The following STRIP1 variants were observed in gnomAD, a reference collection of about 807,000 sequenced individuals.
The protein encoded by STRIP1 is striatin interacting protein 1.
Under a neutral mutation model 106.2 loss-of-function variants are expected in STRIP1, and 63 were observed. That is an observed-to-expected ratio of 0.59 (90% CI 0.48 to 0.73). The LOEUF (loss-of-function observed/expected upper bound fraction) is 0.73, where lower values mean the gene tolerates loss of function less well. Among genes scored for constraint, STRIP1 ranks in the 30% least tolerant of loss-of-function variants. The pLI is 0.00. For synonymous variants in STRIP1, 390 were observed against 413.0 expected (o/e 0.94, Z 0.67); for missense variants, 857 against 1,074.8 (o/e 0.80, Z 2.83).
At chr1:110,042,655 G>C (rs1048697196) in intron 8 of STRIP1, among the ~76,000 whole-genome samples, 9 of 152,216 alleles carry the variant, frequency 5.9e-5, no homozygotes, top group Non-Finnish European at 1.2e-4. Flanking sequence ...TCTGCTTCTT[G>C]GGAGATGTTT....
Position 110,038,699 on chromosome 1 carries a change from G to A in STRIP1, c.267G>A (p.Thr89=), listed in dbSNP as rs183730102. 1.6e-3 allele frequency: 2,612 copies of A among 1,614,100 alleles called. 80 individuals carry two copies. The Admixed American group carries it at 0.042, about 26-fold the overall frequency. ...AAELSELYSY[T]EGPEFLMNRK... The stretch of plus-strand genomic sequence containing the variant: ...TTCTGACAGAGCTTTACAGCTACAC[G>A]GAAGGGCCAGAATTCCTGATGAATC... The change falls in exon 3 of 21, where the codon ACG becomes ACA. Residue 89 remains threonine (T), a synonymous_variant. Transcript: ENST00000369795.
At position 110,040,334 on chromosome 1, in the gene STRIP1, A is replaced by T. The variant is rs141697192; in HGVS notation, c.582-301A>T. Among the ~76,000 whole-genome samples the T allele has an allele frequency of 1.8e-3, 267 of 152,236 alleles. 2 individuals are homozygous for T. Among genetic ancestry groups the T allele is most frequent in the Admixed American group, 4.2e-3 (65 of 15,302 alleles). The stretch of plus-strand genomic sequence containing the variant: ...GTAGCTGGGTTTACAGGTGCCTGCC[A>T]CCACACCCAGCTAATTTTTGTATTT... On this transcript the variant is annotated intron_variant, in intron 5 of 20. Coordinates refer to ENST00000369795, the MANE Select transcript of STRIP1 (RefSeq NM_033088.4).
intron 20 of STRIP1, among the ~76,000 whole-genome samples, chr1:110,053,008 C>A (rs1452378638): frequency 6.6e-6 from 1 of 152,214 alleles, no homozygotes; most frequent in Non-Finnish European, 1.5e-5. Context: ...CATTCTCCTC[C>A]TCTGTAATCT....
chr1:110,046,691 G>T lies in STRIP1; in HGVS notation c.1428G>T (p.Thr476=). ...ATCTCTCCCACCAGCACAAGTACACGTCGATTGCAGAGGTCCAGGCACAGA... is the reference window on the plus strand; with the variant it reads ...ATCTCTCCCACCAGCACAAGTACACTTCGATTGCAGAGGTCCAGGCACAGA... ...SIKTLKQHKY[T]SIAEVQAQME... The change falls in exon 13 of 21, where the codon ACG becomes ACT. Residue 476 remains threonine (T), a synonymous_variant. Coordinates refer to ENST00000369795, the MANE Select transcript of STRIP1 (RefSeq NM_033088.4). 6.2e-7 allele frequency: 1 copy of T among 1,613,230 alleles called. No individual in the cohort carries two copies. The highest frequency in any genetic ancestry group is 8.5e-7 in the Non-Finnish European group (1 of 1,179,434).
In STRIP1 at chr1:110,043,782, GCCTC is replaced by G; in HGVS notation, c.1215_1218del (p.Pro406ArgfsTer10). On this transcript the variant is annotated frameshift_variant, in exon 10 of 21. Coordinates refer to ENST00000369795, the MANE Select transcript of STRIP1 (RefSeq NM_033088.4). LOFTEE classifies it high-confidence loss of function. ...TTCCCCTGGAACGGGATGAAGTGAT[GCCTC>G]CCCCGCTACAGCACCCACAGACTGA... is the stretch of plus-strand genomic sequence containing the variant. The G allele has an allele frequency of 1.9e-6, 3 of 1,614,194 alleles. No homozygotes were observed. The highest frequency in any genetic ancestry group is 2.5e-6 in the Non-Finnish European group (3 of 1,180,028).
rs74117320 is a variant in STRIP1, at chr1:110,048,034, T to C, written c.1661+165T>C. The C allele has an allele frequency of 4.3e-3, 2,723 of 628,110 alleles. 61 individuals are homozygous for C. The African/African-American group carries it at 0.044, about 10-fold the overall frequency. The allele number at this position is 628,110 out of a possible 1,614,324, so 38.9% of individuals were successfully genotyped here. A position where few individuals can be genotyped will look rare whatever the true frequency, so the allele number is the denominator to read the frequency against. ...CTACGAGATTAAAGAGTTTCACTGGTTGGGGAGATGGCTTGGTCCTGTTGG... is the reference window on the plus strand; with the variant it reads ...CTACGAGATTAAAGAGTTTCACTGGCTGGGGAGATGGCTTGGTCCTGTTGG... On this transcript the variant is annotated intron_variant, in intron 15 of 20. Transcript: ENST00000369795.
chr1:110,053,850 G>C lies in STRIP1; in HGVS notation c.2452G>C (p.Asp818His). The C allele has an allele frequency of 1.9e-6, 3 of 1,614,172 alleles. No individual in the cohort carries two copies. Among genetic ancestry groups the C allele is most frequent in the Non-Finnish European group, 2.5e-6 (3 of 1,180,038 alleles). The change falls in exon 21 of 21, where the codon GAC becomes CAC. Residue 818 changes from aspartate (D) to histidine (H), a missense_variant. Transcript: ENST00000369795. ...CCCTGAGGACTTTCAGATGAACTATGACCTCTGGTTAGAAAGGGAGGTCTT... is the reference window on the plus strand; with the variant it reads ...CCCTGAGGACTTTCAGATGAACTATCACCTCTGGTTAGAAAGGGAGGTCTT... ...DLPEDFQMNYDLWLEREVFSK... is the reference protein window; with the variant it reads ...DLPEDFQMNYHLWLEREVFSK...
chr1:110,052,156 C>T (rs71665079), intron 20 of STRIP1, among the ~76,000 whole-genome samples: 87 of 152,270 alleles, frequency 5.7e-4, no homozygotes, highest in Non-Finnish European at 8.8e-4. Flanking sequence ...AAGACTGTGT[C>T]CCCTCTTTTC....
At chr1:110,039,870 G>T in intron 5 of STRIP1, 2 of 1,297,784 alleles carry the variant, frequency 1.5e-6, no homozygotes, top group African/African-American at 1.5e-5. Context: ...AGGAGGCCAG[G>T]CACAAGACTG....
chr1:110,039,802 G>A (rs1008509586), intron 5 of STRIP1: 10 of 1,343,636 alleles, frequency 7.4e-6, no homozygotes, highest in South Asian at 1.2e-5. Flanking sequence ...TCTTCACTTT[G>A]AGCTCTCTTT....
chr1:110,048,744 T>C (rs184310456), intron 15 of STRIP1, among the ~76,000 whole-genome samples: 19 of 152,376 alleles, frequency 1.2e-4, no homozygotes, highest in Admixed American at 5.2e-4. Flanking sequence ...AAACCCTTTT[T>C]TTCCATGACA....
intron 10 of STRIP1, 46 bp downstream of exon 10, chr1:110,043,902 C>T: frequency 6.5e-7 from 1 of 1,546,956 alleles, no homozygotes; most frequent in South Asian, 1.1e-5. Context: ...GAGGCAGAGC[C>T]CTCACACCCT....
At chr1:110,034,841 C>T (rs1236815239) in intron 1 of STRIP1, 24 bp downstream of exon 1, 4 of 1,374,786 alleles carry the variant, frequency 2.9e-6, no homozygotes, top group East Asian at 3.1e-5. Flanking sequence ...GGGGGCGAGG[C>T]TCGCACCGGG....
chr1:110,046,951 G>A (rs1653054045), intron 13 of STRIP1, among the ~76,000 whole-genome samples, 200 bp downstream of exon 13: 1 of 152,150 alleles, frequency 6.6e-6, no homozygotes, highest in Admixed American at 6.5e-5. Context: ...TCAGGAGGCT[G>A]AGGCAGAAGA....
chr1:110,036,445 ACT>A (rs1652460264), intron 1 of STRIP1, among the ~76,000 whole-genome samples: 1 of 151,264 alleles, frequency 6.6e-6, no homozygotes, highest in African/African-American at 2.4e-5. Context: ...CAAGAGCGAA[ACT>A]CTCCCCGTCT....
intron 20 of STRIP1, 92 bp from the exon 21 acceptor site, chr1:110,053,573 T>G (rs759054833): frequency 6.5e-7 from 1 of 1,534,064 alleles, no homozygotes; most frequent in Non-Finnish European, 8.8e-7. Context: ...TATCCTGCTC[T>G]TAGTTGACAC....
rs115473413 is a variant in STRIP1 at position 110,036,585 on chromosome 1, G to A, written c.181-1306G>A. 7.4e-3 allele frequency among the ~76,000 whole-genome samples: 1,128 copies of A among 152,312 alleles called. 14 individuals are homozygous for A. The highest frequency in any genetic ancestry group is 0.026 in the African/African-American group (1,074 of 41,550). On this transcript the variant is annotated intron_variant, in intron 1 of 20. Coordinates refer to ENST00000369795, the MANE Select transcript of STRIP1 (RefSeq NM_033088.4). ...ATGCCATGATCTTTCTTTAGTCATA[G>A]CTGAAATCGGTAGTTTGGGAGCCTG... is the stretch of plus-strand genomic sequence containing the variant.
chr1:110,035,201 C>G (rs36025747), intron 1 of STRIP1, among the ~76,000 whole-genome samples: 18,920 of 152,162 alleles, frequency 0.12, 1,700 homozygotes, highest in South Asian at 0.34. Context: ...ACCTAATCAT[C>G]TCGGGCGTCT....
rs185949437 is a variant in STRIP1, at chr1:110,050,525, G to T, written c.1956+116G>T. 102 of 988,138 alleles carry T rather than the reference G, an allele frequency of 1.0e-4. No homozygotes were observed. In the African/African-American group the frequency reaches 1.4e-3, roughly 13 times the overall value. 61.2% of individuals were successfully genotyped at this position (988,138 alleles called of 1,614,324 possible). ...GTCTCCCGCAGGTGAAATCACTGTG[G>T]AGTGCCCGGCTTTTAAAGCACTGTA... On this transcript the variant is annotated intron_variant, in intron 18 of 20. Transcript: ENST00000369795.
Sources: allele counts gnomAD v4.1 joint callset (sites outside exome capture counted in the v4.1 genomes callset), GRCh38; gene constraint gnomAD v4.1.1; transcripts MANE v1.5; gene names NCBI Gene and HGNC (gene_info 2026-07-23, HGNC 2026-07-21).